The following CA10 variants were observed in gnomAD, a reference collection of about 807,000 sequenced individuals.
The protein encoded by CA10 is carbonic anhydrase 10 (inactive), also known as carbonic anhydrase-related protein 10.
In CA10, 14 loss-of-function variants were observed where a neutral mutation model predicts 44.2. The ratio of observed to expected loss-of-function variants is 0.32; its 90% CI spans 0.21 to 0.50. The LOEUF (loss-of-function observed/expected upper bound fraction) is 0.50. Ranked by LOEUF, CA10 falls within the 20% of genes least tolerant of loss-of-function variation. The probability of loss-of-function intolerance (pLI) is 0.99; values close to 1 mark genes in which losing one functional copy is unlikely to be tolerated. For missense variants in CA10, 350 were observed against 409.7 expected (o/e 0.85, Z 1.26); for synonymous variants, 159 against 141.6 (o/e 1.12, Z -0.87).
chr17:52,072,183 CT>C (rs1184343442), intron 2 of CA10, 135 bp downstream of exon 2: 6 of 598,646 alleles, frequency 1.0e-5, no homozygotes, highest in South Asian at 8.9e-5. Flanking sequence ...ACTTAACAAA[CT>C]TTGTCTTGAT....
chr17:52,157,534 C>CCG (rs1381821710), intron 1 of CA10, among the ~76,000 whole-genome samples, 192 bp downstream of exon 1: 1 of 145,406 alleles, frequency 6.9e-6, no homozygotes, highest in Non-Finnish European at 1.5e-5. Flanking sequence ...TAACCACCCC[C>CCG]CCCCGCAAAA....
intron 1 of CA10, chr17:52,135,147 C>T (rs1360987115): frequency 1.6e-5 from 6 of 366,866 alleles, no homozygotes; most frequent in Non-Finnish European, 3.3e-5. Flanking sequence ...GAGTTCTCAG[C>T]CATGACAGGA....
At chr17:51,706,513 T>C (rs1324049509) in intron 4 of CA10, among the ~76,000 whole-genome samples, 1 of 152,236 alleles carries the variant, frequency 6.6e-6, no homozygotes, top group Non-Finnish European at 1.5e-5. Flanking sequence ...CAGCATCTCT[T>C]TCCCAGAGGA....
At chr17:51,662,345 A>G (rs910355581) in intron 4 of CA10, among the ~76,000 whole-genome samples, 8 of 152,214 alleles carry the variant, frequency 5.3e-5, no homozygotes, top group Non-Finnish European at 1.0e-4. Flanking sequence ...CACCCATATT[A>G]CCACATTTGT....
intron 4 of CA10, among the ~76,000 whole-genome samples, chr17:51,690,313 G>C (rs1159364141): frequency 1.3e-5 from 2 of 152,046 alleles, no homozygotes. Context: ...TGTACAGTAG[G>C]GCTATTGAAA....
At chr17:51,955,384 A>C (rs1378567981) in intron 2 of CA10, among the ~76,000 whole-genome samples, 1 of 152,082 alleles carries the variant, frequency 6.6e-6, no homozygotes, top group Non-Finnish European at 1.5e-5. Context: ...TTAGCATAGC[A>C]AGCCAGGTGC....
chr17:51,662,555 GGAACAACTATAAGCTA>G (rs1300124279), intron 4 of CA10, among the ~76,000 whole-genome samples: 7 of 152,186 alleles, frequency 4.6e-5, no homozygotes, highest in African/African-American at 1.7e-4. Context: ...AGCTTTTGCT[GGAACAACTATAAGCTA>G]GAACTTATTT....
At chr17:51,755,729 C>T (rs894225073) in intron 3 of CA10, among the ~76,000 whole-genome samples, 4 of 152,142 alleles carry the variant, frequency 2.6e-5, no homozygotes, top group Non-Finnish European at 5.9e-5. Context: ...TACTATGTGT[C>T]AGATGTTGTA....
At chr17:51,869,618 A>C (rs1026185679) in intron 3 of CA10, among the ~76,000 whole-genome samples, 9 of 152,170 alleles carry the variant, frequency 5.9e-5, no homozygotes, top group African/African-American at 2.2e-4. Context: ...CACGGAGTGA[A>C]AGCCATTTAG....
intron 2 of CA10, among the ~76,000 whole-genome samples, chr17:51,937,049 G>A (rs574027702): frequency 6.6e-6 from 1 of 152,082 alleles, no homozygotes; most frequent in Non-Finnish European, 1.5e-5. Context: ...CTCAGCTAAA[G>A]CAATCTTTTC....
rs532870268 is a variant in CA10, at chr17:51,947,603, T to C, written c.137-16471A>G. ...GGTCCTGTTGGAGCTAGGGTGAAAC[T>C]ACACATGCAAAGTTTTAACAATGCA... is the stretch of plus-strand genomic sequence containing the variant. On this transcript the variant is annotated intron_variant, in intron 2 of 8. Coordinates refer to ENST00000451037, the MANE Select transcript of CA10 (RefSeq NM_020178.5). Among the ~76,000 whole-genome samples, 16 of 152,306 alleles carry C rather than the reference T, an allele frequency of 1.1e-4. 1 individual carries two copies. In the South Asian group the frequency reaches 3.3e-3, roughly 32 times the overall value.
At chr17:51,990,638 CATTCTA>C (rs1216166334) in intron 2 of CA10, among the ~76,000 whole-genome samples, 1 of 152,076 alleles carries the variant, frequency 6.6e-6, no homozygotes, top group Non-Finnish European at 1.5e-5. Flanking sequence ...ATTCTCTTTT[CATTCTA>C]ATCAATCTAA....
rs149223524 is a variant in CA10 at position 51,745,359 on chromosome 17, A to G, written c.465+2274T>C. Reference sequence around the variant, plus strand: ...GGTTTTGGGAAGGACTGAGAGGAAAATATTTTGACAAGGCTTCCCAGTTCA... The same window carrying G: ...GGTTTTGGGAAGGACTGAGAGGAAAGTATTTTGACAAGGCTTCCCAGTTCA... On this transcript the variant is annotated intron_variant, in intron 4 of 8. Coordinates refer to ENST00000451037, the MANE Select transcript of CA10 (RefSeq NM_020178.5). Among the ~76,000 whole-genome samples the G allele has an allele frequency of 2.7e-3, 406 of 152,226 alleles. 2 individuals carry two copies. Among genetic ancestry groups the G allele is most frequent in the African/African-American group, 9.1e-3 (380 of 41,558 alleles).
intron 2 of CA10, among the ~76,000 whole-genome samples, chr17:52,017,326 T>A (rs1985999337): frequency 6.6e-6 from 1 of 152,106 alleles, no homozygotes; most frequent in Non-Finnish European, 1.5e-5. Context: ...CCTAGAGACT[T>A]GTTAAGTGGT....
chr17:51,645,022 T>A (rs938324434), intron 6 of CA10, among the ~76,000 whole-genome samples: 17 of 152,072 alleles, frequency 1.1e-4, no homozygotes, highest in Admixed American at 5.9e-4. Flanking sequence ...GGTCTCGAAC[T>A]CCTGACCTCG....
At chr17:51,640,165 C>G (rs1433045216) in intron 6 of CA10, among the ~76,000 whole-genome samples, 2 of 152,200 alleles carry the variant, frequency 1.3e-5, no homozygotes, top group Non-Finnish European at 2.9e-5. Flanking sequence ...CCCCCAAATG[C>G]CAGCATGAGT....
chr17:52,104,858 C>A (rs1262700479), intron 1 of CA10, among the ~76,000 whole-genome samples: 1 of 152,210 alleles, frequency 6.6e-6, no homozygotes, highest in African/African-American at 2.4e-5. Flanking sequence ...ACAACCATTT[C>A]TTTTCTCCCA....
chr17:51,846,734 C>T (rs1978510725), intron 3 of CA10, among the ~76,000 whole-genome samples: 1 of 152,198 alleles, frequency 6.6e-6, no homozygotes, highest in African/African-American at 2.4e-5. Context: ...GCCTTTTAAG[C>T]AAATCATGCA....
chr17:52,097,525 T>A (rs1236758032), intron 1 of CA10, among the ~76,000 whole-genome samples: 1 of 152,202 alleles, frequency 6.6e-6, no homozygotes, highest in Non-Finnish European at 1.5e-5. Flanking sequence ...AACCCAAATC[T>A]GTATTGTTGA....
Sources: gnomAD v4.1 joint callset for allele counts (sites outside exome capture counted in the v4.1 genomes callset) on GRCh38, gnomAD v4.1.1 for gene constraint, MANE v1.5 for transcripts, NCBI Gene and HGNC (gene_info 2026-07-23, HGNC 2026-07-21) for gene names.